Variants in TMEM38A observed in about 807,000 individuals in gnomAD.
The protein encoded by TMEM38A is trimeric intracellular cation channel type A.
Under a neutral mutation model 28.6 loss-of-function variants are expected in TMEM38A, and 17 were observed. The observed-to-expected ratio is 0.60, with a 90% confidence interval of 0.41 to 0.89. The LOEUF is 0.89. TMEM38A is among the 40% of genes least tolerant of loss of function. The pLI is 0.00. For missense variants in TMEM38A, 328 were observed against 393.1 expected (o/e 0.83, Z 1.40); for synonymous variants, 169 against 166.1 (o/e 1.02, Z -0.14).
chr19:16,661,484 C>G lies in TMEM38A; in HGVS notation c.124+143C>G, dbSNP rs533414791. On this transcript the variant is annotated intron_variant, in intron 1 of 5. Coordinates refer to ENST00000187762, the MANE Select transcript of TMEM38A (RefSeq NM_024074.4). This position sits in a 1 kb window ranked among gnomAD's most constrained non-coding sequence, Gnocchi z 6.5. The stretch of plus-strand genomic sequence containing the variant: ...GGATTGCATCGTGGGAGTAGGCAGG[C>G]GCTAGAATCGTGGGGTTCTCTCACG... 141 of 678,440 alleles carry G rather than the reference C, an allele frequency of 2.1e-4. No individual in the cohort carries two copies. In the South Asian group the frequency reaches 3.9e-3, roughly 19 times the overall value. 42.0% of individuals were successfully genotyped at this position (678,440 alleles called of 1,614,324 possible). A position where few individuals can be genotyped will look rare whatever the true frequency, so the allele number is the denominator to read the frequency against.
chr19:16,684,141 C>CAGAGAGAG (rs10687050), intron 4 of TMEM38A, among the ~76,000 whole-genome samples: 1 of 147,666 alleles, frequency 6.8e-6, no homozygotes, highest in South Asian at 2.1e-4. Flanking sequence ...AAGAAAGAAA[C>CAGAGAGAG]AGAGAGAGAG....
chr19:16,664,778 A>G (rs1320396303), intron 1 of TMEM38A, among the ~76,000 whole-genome samples: 1 of 151,816 alleles, frequency 6.6e-6, no homozygotes, highest in Non-Finnish European at 1.5e-5. Flanking sequence ...AGCAGCATCA[A>G]TGTTGCCTGG....
At chr19:16,680,701 T>G in intron 3 of TMEM38A, 120 bp downstream of exon 3, 6 of 966,004 alleles carry the variant, frequency 6.2e-6, no homozygotes, top group Non-Finnish European at 7.8e-6. Context: ...AAGACTGCAG[T>G]AGGTGTTCAA....
intron 1 of TMEM38A, among the ~76,000 whole-genome samples, chr19:16,667,887 T>A (rs1057089803): frequency 7.4e-5 from 11 of 147,702 alleles, no homozygotes; most frequent in Non-Finnish European, 1.2e-4. Context: ...AATCCTTTTG[T>A]CCTGATTGTC....
Position 16,686,307 on chromosome 19 carries a change from T to C in TMEM38A, c.574T>C (p.Tyr192His), listed in dbSNP as rs762771226. Residue 192 changes from tyrosine to histidine, a missense_variant, in exon 5 of 6, where the codon TAT becomes CAT. By Grantham distance (83) the Tyr-to-His change is moderately conservative. Coordinates refer to ENST00000187762, the MANE Select transcript of TMEM38A (RefSeq NM_024074.4). ...HMSFPTKASL[Y>H]GAILFTLQQT... ...CTCCAGCCCCACCAAGGCCAGCCTG[T>C]ATGGAGCCATCCTCTTCACCCTCCA... is the stretch of plus-strand genomic sequence containing the variant. 4 of 1,612,730 alleles carry C rather than the reference T, an allele frequency of 2.5e-6. No individual in the cohort carries two copies. The South Asian group carries it at 4.4e-5, about 18-fold the overall frequency.
chr19:16,679,572 T>A (rs2086770712), intron 1 of TMEM38A, among the ~76,000 whole-genome samples: 1 of 152,002 alleles, frequency 6.6e-6, no homozygotes, highest in Admixed American at 6.6e-5. Context: ...GGATTACAGG[T>A]GTGAGCCACC....
chr19:16,679,884 G>A, intron 1 of TMEM38A, 100 bp from the exon 2 acceptor site: 1 of 1,308,502 alleles, frequency 7.6e-7, no homozygotes, highest in Non-Finnish European at 1.0e-6. Context: ...CACAGTGTTG[G>A]GTGGGCGCTC....
chr19:16,666,499 G>A (rs1337432446), intron 1 of TMEM38A, among the ~76,000 whole-genome samples: 1 of 151,958 alleles, frequency 6.6e-6, no homozygotes, highest in Non-Finnish European at 1.5e-5. Flanking sequence ...TACAGTCATA[G>A]CTCACTGTGG....
rs1319072328 is a variant in TMEM38A at position 16,689,176 on chromosome 19, G to A, written c.*805G>A. On this transcript the variant is annotated 3_prime_UTR_variant, in exon 6 of 6. Transcript: ENST00000187762. ...CATTTTCACGTGGCCAGAAAGTCCC[G>A]ACTCTTGCTGGGCGTCCCTGGACAA... is the stretch of plus-strand genomic sequence containing the variant. 3 of 152,170 alleles carry A rather than the reference G, an allele frequency of 2.0e-5. No individual in the cohort carries two copies. The highest frequency in any genetic ancestry group is 4.4e-5 in the Non-Finnish European group (3 of 68,110). The allele number at this position is 152,170 out of a possible 1,614,324, so 9.4% of individuals were successfully genotyped here.
intron 3 of TMEM38A, among the ~76,000 whole-genome samples, chr19:16,681,949 A>G (rs1010773215): frequency 2.0e-5 from 3 of 152,280 alleles, no homozygotes; most frequent in African/African-American, 7.2e-5. Context: ...TTCTATCTCC[A>G]TTTGAGTCTT....
chr19:16,679,387 T>C (rs958410714), intron 1 of TMEM38A, among the ~76,000 whole-genome samples: 8 of 151,176 alleles, frequency 5.3e-5, no homozygotes, highest in Non-Finnish European at 1.5e-5. Flanking sequence ...AGCCTCCACC[T>C]CCTGAGTTCA....
At chr19:16,688,059 C>A in intron 5 of TMEM38A, 85 bp from the exon 6 acceptor site, 1 of 993,114 alleles carries the variant, frequency 1.0e-6, no homozygotes, top group Non-Finnish European at 1.4e-6. Flanking sequence ...CTCCCCTCTT[C>A]TCCCCACCCT....
intron 1 of TMEM38A, among the ~76,000 whole-genome samples, chr19:16,670,650 C>T (rs1599386537): frequency 6.6e-6 from 1 of 152,226 alleles, no homozygotes. Context: ...TCGAAAGTCC[C>T]ATGTCCAGCC....
At chr19:16,679,283 GT>G (rs2086768316) in intron 1 of TMEM38A, among the ~76,000 whole-genome samples, 1 of 130,082 alleles carries the variant, frequency 7.7e-6, no homozygotes, top group Admixed American at 8.1e-5. Flanking sequence ...GTGTGTGTGT[GT>G]GTGTGTGTGT....
In TMEM38A at chr19:16,688,156, G is replaced by T. The variant is rs755593808; in HGVS notation, c.685G>T (p.Ala229Ser). The T allele has an allele frequency of 2.1e-6, 3 of 1,437,336 alleles. No homozygotes were observed. Among genetic ancestry groups the T allele is most frequent in the Non-Finnish European group, 2.8e-6 (3 of 1,086,508 alleles). The allele number at this position is 1,437,336 out of a possible 1,614,324, so 89.0% of individuals were successfully genotyped here. A position where few individuals can be genotyped will look rare whatever the true frequency, so the allele number is the denominator to read the frequency against. ...CACCCCACCTCAGGTGTTTCTGACA[G>T]CCACCCACTCACACAGCTCCCCCTT... ...FMVSCKVFLT[A>S]THSHSSPFDA... is the part of the protein sequence containing the mutation. Residue 229 changes from alanine (A) to serine (S), a missense_variant, in exon 6 of 6, where the codon GCC becomes TCC. By Grantham distance (99) the Ala-to-Ser change is moderately conservative (BLOSUM62 1). Transcript: ENST00000187762.
At position 16,688,568 on chromosome 19, in the gene TMEM38A, T is replaced by G; in HGVS notation, c.*197T>G. 1 of 411,558 alleles carries G rather than the reference T, an allele frequency of 2.4e-6. No individual in the cohort carries two copies. 25.5% of individuals were successfully genotyped at this position (411,558 alleles called of 1,614,324 possible). A position where few individuals can be genotyped will look rare whatever the true frequency, so the allele number is the denominator to read the frequency against. ...TGAAGAACTTTTGTAGAAATCGGGG[T>G]TCCCTCTTTCTCTCTGCCAGGACCC... On this transcript the variant is annotated 3_prime_UTR_variant, in exon 6 of 6. Coordinates refer to ENST00000187762, the MANE Select transcript of TMEM38A (RefSeq NM_024074.4).
In TMEM38A at chr19:16,680,416, C is replaced by T. The variant is rs1388047935; in HGVS notation, c.301C>T (p.Pro101Ser). The T allele has an allele frequency of 1.2e-6, 2 of 1,614,156 alleles. No individual in the cohort carries two copies. The highest frequency in any genetic ancestry group is 1.7e-6 in the Non-Finnish European group (2 of 1,180,036). ...CAAAAGGTACTTGATTTTCTTCTGC[C>T]CCCTGGACCTCTTCTACAAGTGTGT... is the stretch of plus-strand genomic sequence containing the variant. ...SAVWYLIFFC[P>S]LDLFYKCVCF... Residue 101 changes from proline to serine, a missense_variant, in exon 3 of 6, where the codon CCC (proline) becomes TCC (serine). Transcript: ENST00000187762.
At chr19:16,678,631 C>T (rs553583886) in intron 1 of TMEM38A, among the ~76,000 whole-genome samples, 38 of 150,374 alleles carry the variant, frequency 2.5e-4, no homozygotes, top group Middle Eastern at 3.5e-3. Context: ...GGCATGGTGG[C>T]GCGCGTGCCT....
chr19:16,673,930 A>G (rs1221104857), intron 1 of TMEM38A, among the ~76,000 whole-genome samples: 1 of 149,032 alleles, frequency 6.7e-6, no homozygotes, highest in Non-Finnish European at 1.5e-5. Flanking sequence ...TTTACAAAAA[A>G]AGAAAAAAAA....
Sources: allele counts gnomAD v4.1 joint callset (sites outside exome capture counted in the v4.1 genomes callset), GRCh38; gene constraint gnomAD v4.1.1; non-coding constraint Gnocchi (gnomAD v3.1); transcripts MANE v1.5; gene names NCBI Gene and HGNC (gene_info 2026-07-23, HGNC 2026-07-21).